ZSCAN5A: variants seen among roughly 807,000 people sequenced by gnomAD.
ZSCAN5A encodes zinc finger and SCAN domain containing 5A.
In ZSCAN5A, 12 loss-of-function variants were observed where a neutral mutation model predicts 23.7. The observed-to-expected ratio is 0.51, with a 90% CI of 0.32 to 0.82. The LOEUF (loss-of-function observed/expected upper bound fraction) is 0.82. Among genes scored for constraint, ZSCAN5A ranks in the 40% least tolerant of loss-of-function variants. ZSCAN5A has a pLI of 0.03. For missense variants in ZSCAN5A, 597 were observed against 617.9 expected, an observed-to-expected ratio of 0.97 and a Z score of 0.36; for synonymous variants, 257 against 239.9, an observed-to-expected ratio of 1.07 and a Z score of -0.66.
At chr19:56,304,566 G>C (rs1049842412) in intron 2 of ZSCAN5A, among the ~76,000 whole-genome samples, 3 of 152,212 alleles carry the variant, frequency 2.0e-5, no homozygotes, top group Non-Finnish European at 4.4e-5. Context: ...GCTGCTTATG[G>C]GGATGAGGAG....
At chr19:56,360,533 C>G (rs4355036) in intron 2 of ZSCAN5A, among the ~76,000 whole-genome samples, 16,231 of 151,840 alleles carry the variant, frequency 0.11, 1,248 homozygotes, top group East Asian at 0.35. Flanking sequence ...GCTATTCCCA[C>G]TAAACTACCA....
At position 56,221,736 on chromosome 19, in the gene ZSCAN5A, C is replaced by G. The variant is rs746496094; in HGVS notation, c.1330G>C (p.Asp444His). Residue 444 changes from aspartate (D) to histidine (H), a missense_variant, in exon 6 of 6, where the codon GAC becomes CAC. Physicochemically the swap from Asp to His is moderately conservative, Grantham distance 81. This residue lies in a region of ZSCAN5A where 87 missense variants were observed against 74.4 expected (regional missense o/e 1.17). Coordinates refer to ENST00000683990, the MANE Select transcript of ZSCAN5A (RefSeq NM_001322064.3). ...HTGEKPFECK[D>H]CKKVFTYRGS... Reference sequence around the variant, plus strand: ...CTGTAGGTGAAAACTTTCTTGCAGTCTTTACATTCGAAGGGCTTCTCCCCT... The same window carrying G: ...CTGTAGGTGAAAACTTTCTTGCAGTGTTTACATTCGAAGGGCTTCTCCCCT... 3.1e-6 allele frequency: 5 copies of G among 1,614,196 alleles called. No individual in the cohort carries two copies. Among genetic ancestry groups the G allele is most frequent in the Non-Finnish European group, 4.2e-6 (5 of 1,180,050 alleles).
At chr19:56,334,497 T>C (rs559534105) in intron 2 of ZSCAN5A, among the ~76,000 whole-genome samples, 1 of 152,354 alleles carries the variant, frequency 6.6e-6, no homozygotes, top group Non-Finnish European at 1.5e-5. Flanking sequence ...AGTAGGTGTA[T>C]ATGTTTATGG....
At chr19:56,350,390 A>G (rs1371256128) in intron 2 of ZSCAN5A, among the ~76,000 whole-genome samples, 1 of 152,266 alleles carries the variant, frequency 6.6e-6, no homozygotes, top group East Asian at 1.9e-4. Flanking sequence ...AGGACAAATC[A>G]AAAAGTGTAA....
At chr19:56,222,965 G>C (rs2033442974) in intron 4 of ZSCAN5A, among the ~76,000 whole-genome samples, 1 of 152,110 alleles carries the variant, frequency 6.6e-6, no homozygotes. Flanking sequence ...CAGCTCCTGT[G>C]CCTGGTGGTT....
At chr19:56,222,874 T>C in intron 4 of ZSCAN5A, 133 bp from the exon 5 acceptor site, 1 of 1,209,376 alleles carries the variant, frequency 8.3e-7, no homozygotes, top group Non-Finnish European at 1.2e-6. Flanking sequence ...AGACTTCCCC[T>C]GGACCACCCC....
chr19:56,281,616 T>C (rs1233743237), intron 2 of ZSCAN5A: 2 of 734,788 alleles, frequency 2.7e-6, no homozygotes, highest in East Asian at 1.3e-4. Context: ...AGATGGATGA[T>C]GTTAATATTA....
chr19:56,313,145 G>T (rs1409936525), intron 2 of ZSCAN5A, 138 bp downstream of exon 2: 4 of 216,102 alleles, frequency 1.9e-5, no homozygotes, highest in East Asian at 1.7e-4. Context: ...ATGTAATAAA[G>T]AAACTGCTAA....
At chr19:56,291,966 C>T (rs192840418) in intron 2 of ZSCAN5A, among the ~76,000 whole-genome samples, 1 of 152,192 alleles carries the variant, frequency 6.6e-6, no homozygotes. Flanking sequence ...TTATTCCCCA[C>T]AACTTCTTCA....
chr19:56,294,016 C>T (rs79424120), intron 2 of ZSCAN5A, among the ~76,000 whole-genome samples: 1,616 of 152,312 alleles, frequency 0.011, 24 homozygotes, highest in African/African-American at 0.036. Flanking sequence ...GCCCCTCTGC[C>T]TTGCTCCTTT....
In ZSCAN5A at chr19:56,222,092, G is replaced by A. The variant is rs146066402; in HGVS notation, c.974C>T (p.Pro325Leu). 1.3e-4 allele frequency: 209 copies of A among 1,613,796 alleles called. 1 individual carries two copies. Among genetic ancestry groups the A allele is most frequent in the Middle Eastern group, 3.3e-4 (2 of 6,084 alleles). The change falls in exon 6 of 6, where the codon CCG becomes CTG. Residue 325 changes from proline (P) to leucine (L), a missense_variant. This residue lies in a region of ZSCAN5A where 406 missense variants were observed against 353.2 expected (regional missense o/e 1.15). Coordinates refer to ENST00000683990, the MANE Select transcript of ZSCAN5A (RefSeq NM_001322064.3). ...AATTGAATTCATCCCAGCTTGTCCC[G>A]GGGATTCTCTGTTGCCCACAGGTGT... ...EATPVGNRES[P>L]GQAGMNSIHS...
chr19:56,316,343 TC>T (rs1256393062), upstream of ZSCAN5A: 3 of 152,312 alleles, frequency 2.0e-5, no homozygotes, highest in African/African-American at 4.8e-5. Flanking sequence ...GGTCAGTAGT[TC>T]CGTCATCTTC....
At chr19:56,246,062 T>A (rs752720440) in intron 2 of ZSCAN5A, among the ~76,000 whole-genome samples, 1 of 151,954 alleles carries the variant, frequency 6.6e-6, no homozygotes, top group Non-Finnish European at 1.5e-5. Context: ...AGAAATATGC[T>A]CAGAGAACCA....
At chr19:56,291,325 C>T (rs538584647) in intron 2 of ZSCAN5A, among the ~76,000 whole-genome samples, 1 of 152,282 alleles carries the variant, frequency 6.6e-6, no homozygotes, top group East Asian at 1.9e-4. Flanking sequence ...GAAGATGAAT[C>T]CCCACGGAAA....
At chr19:56,296,968 T>C (rs1489753961) in intron 2 of ZSCAN5A, among the ~76,000 whole-genome samples, 1 of 151,542 alleles carries the variant, frequency 6.6e-6, no homozygotes, top group African/African-American at 2.4e-5. Flanking sequence ...ACTCGGGAGG[T>C]TGAGGCAGGA....
At chr19:56,275,768 A>C (rs1015694731) in intron 2 of ZSCAN5A, among the ~76,000 whole-genome samples, 6 of 152,194 alleles carry the variant, frequency 3.9e-5, no homozygotes, top group Admixed American at 1.3e-4. Flanking sequence ...TTCTCTTCCC[A>C]ATCAGCCTTG....
At chr19:56,249,906 C>T (rs1369089768) in intron 2 of ZSCAN5A, among the ~76,000 whole-genome samples, 1 of 152,080 alleles carries the variant, frequency 6.6e-6, no homozygotes, top group Non-Finnish European at 1.5e-5. Context: ...TGCTGCTGGT[C>T]TTGGGAGGGT....
Position 56,223,410 on chromosome 19 carries a change from C to T in ZSCAN5A, c.588+221G>A, listed in dbSNP as rs190413619. ...CATTTCACTGAGATCATTTCTTATG[C>T]CCCACCCTAAATGCTAAAAGCTCTC... On this transcript the variant is annotated intron_variant, in intron 4 of 5. Transcript: ENST00000683990. 4.6e-3 allele frequency among the ~76,000 whole-genome samples: 700 copies of T among 152,344 alleles called. 4 individuals carry two copies. Among genetic ancestry groups the T allele is most frequent in the African/African-American group, 0.016 (660 of 41,578 alleles).
chr19:56,242,389 G>A (rs2035498085), intron 2 of ZSCAN5A, among the ~76,000 whole-genome samples: 1 of 152,170 alleles, frequency 6.6e-6, no homozygotes, highest in African/African-American at 2.4e-5. Flanking sequence ...GTGTTTTCTT[G>A]CTCTGGAGTA....
Sources: gnomAD v4.1 joint callset for allele counts (sites outside exome capture counted in the v4.1 genomes callset) on GRCh38, gnomAD v4.1.1 for gene constraint, gnomAD v4.1.1 regional missense constraint, MANE v1.5 for transcripts, NCBI Gene and HGNC (gene_info 2026-07-23, HGNC 2026-07-21) for gene names.